PAK4: variants seen among roughly 807,000 people sequenced by gnomAD.
The protein encoded by PAK4 is p21 (RAC1) activated kinase 4.
A neutral mutation model predicts 53.5 loss-of-function variants in PAK4; 49 were observed. The ratio of observed to expected loss-of-function variants is 0.92; its 90% CI spans 0.73 to 1.16. The LOEUF (loss-of-function observed/expected upper bound fraction) is 1.16, where lower values mean the gene tolerates loss of function less well. PAK4 is among the 50% of genes most tolerant of loss of function. PAK4 has a pLI of 0.00. For synonymous variants in PAK4, 376 were observed against 375.6 expected (o/e 1.00, Z -0.01); for missense variants, 824 against 850.7 (o/e 0.97, Z 0.39).
chr19:39,153,044 A>G (rs940792411), intron 1 of PAK4, among the ~76,000 whole-genome samples: 2 of 152,164 alleles, frequency 1.3e-5, no homozygotes, highest in African/African-American at 4.8e-5. Context: ...GGAGAATTGT[A>G]TAGATATATC....
chr19:39,147,910 T>A (rs1258652310), intron 1 of PAK4, among the ~76,000 whole-genome samples: 2 of 148,430 alleles, frequency 1.3e-5, no homozygotes, highest in African/African-American at 2.5e-5. Flanking sequence ...TTTTTTTTCT[T>A]AGCCCCACCA....
At chr19:39,149,775 G>C (rs190071307) in intron 1 of PAK4, among the ~76,000 whole-genome samples, 40 of 152,312 alleles carry the variant, frequency 2.6e-4, no homozygotes, top group Admixed American at 2.5e-3. Flanking sequence ...AGAATGGCTA[G>C]AACCCGGGAG....
At chr19:39,126,454 G>GAT (rs2073581169) in intron 1 of PAK4, among the ~76,000 whole-genome samples, 1 of 135,986 alleles carries the variant, frequency 7.4e-6, no homozygotes, top group South Asian at 2.8e-4. Flanking sequence ...CGGGGGGGGG[G>GAT]GGGGGGGCCG....
At chr19:39,134,695 G>A (rs1361853400) in intron 1 of PAK4, among the ~76,000 whole-genome samples, 1 of 150,344 alleles carries the variant, frequency 6.7e-6, no homozygotes, top group Non-Finnish European at 1.5e-5. Context: ...TGCCTCCTGG[G>A]TTCAAGCGAT....
intron 1 of PAK4, among the ~76,000 whole-genome samples, chr19:39,146,619 C>T (rs1212769335): frequency 6.6e-6 from 1 of 152,178 alleles, no homozygotes; most frequent in Non-Finnish European, 1.5e-5. Flanking sequence ...GCAGGAGGAT[C>T]GTTTGTGCCT....
intron 1 of PAK4, among the ~76,000 whole-genome samples, chr19:39,135,640 G>T: frequency 6.7e-6 from 1 of 149,810 alleles, no homozygotes; most frequent in Non-Finnish European, 1.5e-5. Context: ...CTGCCCAAGC[G>T]TGTATTCTTT....
chr19:39,171,574 C>T (rs551042739), intron 2 of PAK4, among the ~76,000 whole-genome samples: 29 of 152,336 alleles, frequency 1.9e-4, no homozygotes, highest in African/African-American at 5.1e-4. Flanking sequence ...GGGCAAGGCC[C>T]GGCTTCAGGC....
At chr19:39,160,646 A>G (rs2074269448) in intron 1 of PAK4, among the ~76,000 whole-genome samples, 1 of 152,238 alleles carries the variant, frequency 6.6e-6, no homozygotes, top group South Asian at 2.1e-4. Context: ...GGAGGCAGCC[A>G]GCGCGGCTGG....
chr19:39,180,407 AAAT>A (rs1437344615), downstream of PAK4: 1 of 152,056 alleles, frequency 6.6e-6, no homozygotes, highest in Non-Finnish European at 1.5e-5. Flanking sequence ...ACTCCAGAAT[AAAT>A]AAAAGGTTTC....
intron 1 of PAK4, among the ~76,000 whole-genome samples, chr19:39,140,718 C>T (rs1020435429): frequency 3.3e-5 from 5 of 152,238 alleles, no homozygotes. Context: ...CTACCCCTCT[C>T]CAGCGAAGGG....
chr19:39,153,352 G>A (rs2074124137), intron 1 of PAK4, among the ~76,000 whole-genome samples: 1 of 152,178 alleles, frequency 6.6e-6, no homozygotes, highest in Admixed American at 6.5e-5. Context: ...TCCACCTTCT[G>A]GGTTCAAGCA....
At chr19:39,128,840 TGCCCCTG>T (rs1456651289) in intron 1 of PAK4, among the ~76,000 whole-genome samples, 1 of 152,182 alleles carries the variant, frequency 6.6e-6, no homozygotes, top group African/African-American at 2.4e-5. Flanking sequence ...CAACAGCTCT[TGCCCCTG>T]GCTGCACATT....
At chr19:39,128,373 C>G (rs2073631489) in intron 1 of PAK4, among the ~76,000 whole-genome samples, 1 of 152,190 alleles carries the variant, frequency 6.6e-6, no homozygotes, top group Non-Finnish European at 1.5e-5. Flanking sequence ...GCCACCCCAT[C>G]CCTACCTGGC....
intron 1 of PAK4, chr19:39,168,846 G>T (rs12976664): frequency 0.57 from 87,151 of 151,900 alleles, 25,757 homozygotes; most frequent in East Asian, 0.82. Context: ...CAAAGGTGTG[G>T]GCGTCCCCAG....
At chr19:39,156,386 C>T (rs926627815) in intron 1 of PAK4, among the ~76,000 whole-genome samples, 1 of 152,242 alleles carries the variant, frequency 6.6e-6, no homozygotes, top group Non-Finnish European at 1.5e-5. Flanking sequence ...TGCCCCTTAG[C>T]CGCCTGGCCA....
At chr19:39,147,380 G>A (rs975172429) in intron 1 of PAK4, among the ~76,000 whole-genome samples, 3 of 152,140 alleles carry the variant, frequency 2.0e-5, no homozygotes, top group African/African-American at 4.8e-5. Flanking sequence ...ATGCCCCACC[G>A]TTTGTTTAAC....
intron 1 of PAK4, among the ~76,000 whole-genome samples, chr19:39,148,428 C>A (rs1214885797): frequency 2.1e-5 from 3 of 141,196 alleles, no homozygotes; most frequent in Non-Finnish European, 4.5e-5. Flanking sequence ...GTCTCAGAAC[C>A]CTGTGCCCTG....
rs150055760 is a variant in PAK4, at chr19:39,128,183, C to T, written c.-23+2264C>T. ...CAAGATGGGCATAGTGTTAGCGCTG[C>T]CTCATAGAATTGCTGTGAGGATGCA... On this transcript the variant is annotated intron_variant, in intron 1 of 8. Coordinates refer to ENST00000358301, the Ensembl canonical transcript of PAK4. 1.7e-3 allele frequency among the ~76,000 whole-genome samples: 266 copies of T among 152,352 alleles called. 1 individual carries two copies. Among genetic ancestry groups the T allele is most frequent in the Middle Eastern group, 0.01 (3 of 294 alleles).
rs754729427 is a variant in PAK4, at chr19:39,178,626, C to T, written c.*47C>T. 66 of 1,516,866 alleles carry T rather than the reference C, an allele frequency of 4.4e-5. No homozygotes were observed. The highest frequency in any genetic ancestry group is 4.9e-4 in the Middle Eastern group (2 of 4,070). The allele number at this position is 1,516,866 out of a possible 1,614,324, so 94.0% of individuals were successfully genotyped here. ...ACCAAAGAGCCCCCCGGGTCACCCC[C>T]GCCCCACTGAGGCCAGTAGGGGGCC... On this transcript the variant is annotated 3_prime_UTR_variant, in exon 9 of 9. Transcript: ENST00000358301. This position sits in a 1 kb window ranked among gnomAD's most constrained non-coding sequence, Gnocchi z 4.4.
Sources: gnomAD v4.1 joint callset for allele counts (sites outside exome capture counted in the v4.1 genomes callset) on GRCh38, gnomAD v4.1.1 for gene constraint, Gnocchi (gnomAD v3.1) non-coding constraint, MANE v1.5 for transcripts, NCBI Gene and HGNC (gene_info 2026-07-23, HGNC 2026-07-21) for gene names.